NECTIN1: variants seen among roughly 807,000 people sequenced by gnomAD.
NECTIN1 encodes nectin-1.
NECTIN1 carries 23 observed loss-of-function variants against 48.0 expected under a neutral mutation model. That is an observed-to-expected ratio of 0.48 (90% CI 0.34 to 0.68). NECTIN1 has a LOEUF of 0.68. Ranked by LOEUF, NECTIN1 falls within the 30% of genes least tolerant of loss-of-function variation. NECTIN1 has a pLI of 0.01. For missense variants in NECTIN1, 591 were observed against 709.9 expected (o/e 0.83, Z 1.90); for synonymous variants, 270 against 288.9 (o/e 0.93, Z 0.66).
intron 1 of NECTIN1, chr11:119,713,950 G>A (rs1353767781): frequency 4.5e-6 from 2 of 445,392 alleles, no homozygotes; most frequent in Non-Finnish European, 4.5e-6. Context: ...TCTAAACAGA[G>A]TCTCCTGGGC....
At position 119,665,393 on chromosome 11, in the gene NECTIN1, G is replaced by A; in HGVS notation, c.1004-96C>T. 1 of 1,470,318 alleles carries A rather than the reference G, an allele frequency of 6.8e-7. No individual in the cohort carries two copies. The highest frequency in any genetic ancestry group is 9.0e-7 in the Non-Finnish European group (1 of 1,114,706). The allele number at this position is 1,470,318 out of a possible 1,614,324, so 91.1% of individuals were successfully genotyped here. A position where few individuals can be genotyped will look rare whatever the true frequency, so the allele number is the denominator to read the frequency against. ...AGGCAGGGAAAGGAGAGGCCAGGAAGGACAGGCTGTCTGCACCCCAGGTTT... is the reference window on the plus strand; with the variant it reads ...AGGCAGGGAAAGGAGAGGCCAGGAAAGACAGGCTGTCTGCACCCCAGGTTT... On this transcript the variant is annotated intron_variant, in intron 5 of 5. Transcript: ENST00000264025. The surrounding 1 kb of genome is among the most constrained non-coding windows in gnomAD (Gnocchi z 5.1).
Position 119,664,160 on chromosome 11 carries a change from A to T in NECTIN1, c.*587T>A, listed in dbSNP as rs1237805880. The T allele has an allele frequency of 5.1e-6, 5 of 985,754 alleles. No homozygotes were observed. Among genetic ancestry groups the T allele is most frequent in the Non-Finnish European group, 6.0e-6 (5 of 830,280 alleles). The allele number at this position is 985,754 out of a possible 1,614,324, so 61.1% of individuals were successfully genotyped here. On this transcript the variant is annotated 3_prime_UTR_variant, in exon 6 of 6. Transcript: ENST00000264025. ...CCCAAGGCCCCGCTTAACAAACAAG[A>T]CTCCCTGGGAACTGGGGAGAAGCCG...
intron 1 of NECTIN1, among the ~76,000 whole-genome samples, chr11:119,680,152 G>A (rs932660057): frequency 6.6e-6 from 1 of 152,180 alleles, no homozygotes; most frequent in Non-Finnish European, 1.5e-5. Flanking sequence ...GTCTCCACAT[G>A]GGTTGTGTTA....
chr11:119,701,133 TGTAAC>T lies in NECTIN1; in HGVS notation c.80-22373_80-22369del, dbSNP rs1249707945. Among the ~76,000 whole-genome samples, 7 of 152,174 alleles carry T rather than the reference TGTAAC, an allele frequency of 4.6e-5. No homozygotes were observed. The South Asian group carries it at 6.2e-4, about 14-fold the overall frequency. ...CTGCCAGCCATTCGCTGTGTGGCCT[TGTAAC>T]GTATGTAACTGCTCTGTGCCTCAGC... On this transcript the variant is annotated intron_variant, in intron 1 of 5. Transcript: ENST00000264025.
chr11:119,670,451 T>C (rs1423924779), intron 5 of NECTIN1, among the ~76,000 whole-genome samples: 2 of 152,168 alleles, frequency 1.3e-5, no homozygotes, highest in Non-Finnish European at 2.9e-5. Flanking sequence ...GGCAAGATTA[T>C]GTCTTAGAGA....
At chr11:119,700,603 G>T (rs1865434440) in intron 1 of NECTIN1, among the ~76,000 whole-genome samples, 1 of 152,214 alleles carries the variant, frequency 6.6e-6, no homozygotes, top group South Asian at 2.1e-4. Flanking sequence ...GGGACGGTGG[G>T]TGGGGAGTGT....
At chr11:119,700,445 A>G (rs1241726225) in intron 1 of NECTIN1, among the ~76,000 whole-genome samples, 2 of 152,206 alleles carry the variant, frequency 1.3e-5, no homozygotes, top group African/African-American at 4.8e-5. Flanking sequence ...TCCAAGCCTC[A>G]GTTTCCTCAT....
intron 5 of NECTIN1, among the ~76,000 whole-genome samples, chr11:119,644,964 C>T (rs1864376418): frequency 6.6e-6 from 1 of 152,210 alleles, no homozygotes; most frequent in Non-Finnish European, 1.5e-5. Flanking sequence ...GACACAGACA[C>T]TACCTTTCTC....
At chr11:119,691,970 C>T (rs1018646796) in intron 1 of NECTIN1, among the ~76,000 whole-genome samples, 5 of 152,186 alleles carry the variant, frequency 3.3e-5, no homozygotes, top group East Asian at 1.9e-4. Flanking sequence ...CCTGCCCCGC[C>T]GGGCAGGGGC....
intron 1 of NECTIN1, among the ~76,000 whole-genome samples, chr11:119,685,588 CACCTGGATT>C (rs112252487): frequency 1.3e-5 from 2 of 152,340 alleles, no homozygotes; most frequent in African/African-American, 4.8e-5. Flanking sequence ...TGGCTGAGGA[CACCTGGATT>C]CTGTCCTGCA....
chr11:119,638,374 C>G (rs892475687), intron 7 of NECTIN1: 3 of 1,253,418 alleles, frequency 2.4e-6, no homozygotes, highest in Non-Finnish European at 2.3e-6. Flanking sequence ...ATCCCCCACA[C>G]TGGTGACTGT....
intron 1 of NECTIN1, among the ~76,000 whole-genome samples, chr11:119,722,171 G>C (rs934977168): frequency 3.9e-5 from 6 of 152,324 alleles, no homozygotes; most frequent in Middle Eastern, 6.8e-3. Context: ...ACTAAACCTA[G>C]GTCTTACTCT....
chr11:119,648,202 A>G (rs1266787630), intron 5 of NECTIN1, among the ~76,000 whole-genome samples: 5 of 130,652 alleles, frequency 3.8e-5, no homozygotes, highest in Admixed American at 7.9e-5. Context: ...GTGTGATGGT[A>G]CTGGTGCAGT....
At position 119,678,397 on chromosome 11, in the gene NECTIN1, G is replaced by C. The variant is rs1440689915; in HGVS notation, c.430+18C>G. 5 of 1,608,938 alleles carry C rather than the reference G, an allele frequency of 3.1e-6. No homozygotes were observed. On this transcript the variant is annotated intron_variant, in intron 2 of 5. Coordinates refer to ENST00000264025, the MANE Select transcript of NECTIN1 (RefSeq NM_002855.5). The surrounding 1 kb of genome is among the most constrained non-coding windows in gnomAD (Gnocchi z 4.4). ...ACAGGCCTCTGGATGAACAGGGAGG[G>C]GGCCCAGGGCAGCTTACCCATCACC...
Position 119,648,830 on chromosome 11 carries a change from G to A in NECTIN1, c.1004-8818C>T, listed in dbSNP as rs532553669. ...GAGGCTTCCATTTTCCCTGAGGGTG[G>A]GAATTCCAGTGGGTCTAGGTGGCCC... On this transcript the variant is annotated intron_variant, in intron 5 of 7. Coordinates refer to the NECTIN1 transcript ENST00000341398. Among the ~76,000 whole-genome samples, 270 of 152,170 alleles carry A rather than the reference G, an allele frequency of 1.8e-3. 1 individual carries two copies. The highest frequency in any genetic ancestry group is 6.3e-3 in the African/African-American group (263 of 41,506).
chr11:119,704,020 C>A (rs1489554773), intron 1 of NECTIN1, among the ~76,000 whole-genome samples: 4 of 152,174 alleles, frequency 2.6e-5, no homozygotes, highest in Non-Finnish European at 5.9e-5. Flanking sequence ...TTCTCCAAGA[C>A]AATGGTTCCT....
downstream of NECTIN1, among the ~76,000 whole-genome samples, chr11:119,657,940 A>T (rs112984940): frequency 6.9e-6 from 1 of 145,854 alleles, no homozygotes; most frequent in African/African-American, 2.6e-5. Flanking sequence ...AAAAAAAAAA[A>T]AGTCTGTCTA....
chr11:119,698,609 G>C (rs1352468295), intron 1 of NECTIN1, among the ~76,000 whole-genome samples: 1 of 152,206 alleles, frequency 6.6e-6, no homozygotes, highest in Non-Finnish European at 1.5e-5. Context: ...ATGGTGGACA[G>C]ACCTGGGGCT....
intron 1 of NECTIN1, among the ~76,000 whole-genome samples, chr11:119,725,615 T>C (rs1481201395): frequency 6.6e-6 from 1 of 152,038 alleles, no homozygotes; most frequent in Non-Finnish European, 1.5e-5. Flanking sequence ...CCACTGTATG[T>C]GAGAAATAGA....
Sources: allele counts gnomAD v4.1 joint callset (sites outside exome capture counted in the v4.1 genomes callset), GRCh38; gene constraint gnomAD v4.1.1; non-coding constraint Gnocchi (gnomAD v3.1); transcripts MANE v1.5; gene names NCBI Gene and HGNC (gene_info 2026-07-23, HGNC 2026-07-21).